The following MYBPC1 variants were observed in gnomAD, a reference collection of about 807,000 sequenced individuals.
MYBPC1 encodes the protein myosin binding protein C1, also known as myosin-binding protein C, slow-type.
In MYBPC1, 52 loss-of-function variants were observed where a neutral mutation model predicts 147.1. The observed-to-expected ratio is 0.35, with a 90% CI of 0.28 to 0.45. The LOEUF (loss-of-function observed/expected upper bound fraction) is 0.45, where lower values mean the gene tolerates loss of function less well. Among genes scored for constraint, MYBPC1 ranks in the 20% least tolerant of loss-of-function variants. The probability of loss-of-function intolerance (pLI) is 1.00; values close to 1 mark genes in which losing one functional copy is unlikely to be tolerated. For missense variants in MYBPC1, 1,228 were observed against 1,440.3 expected (o/e 0.85, Z 2.39); for synonymous variants, 477 against 475.9 (o/e 1.00, Z -0.03).
At chr12:101,621,995 A>G (rs534684782) in intron 3 of MYBPC1, among the ~76,000 whole-genome samples, 1 of 152,338 alleles carries the variant, frequency 6.6e-6, no homozygotes, top group East Asian at 1.9e-4. Context: ...TTACAGATGA[A>G]TAAAATTCTG....
intron 1 of MYBPC1, among the ~76,000 whole-genome samples, chr12:101,611,081 A>G (rs916695787): frequency 2.0e-5 from 3 of 152,222 alleles, no homozygotes; most frequent in African/African-American, 7.2e-5. Flanking sequence ...CACTGGCTAT[A>G]AAGTAAAGAG....
intron 10 of MYBPC1, chr12:101,636,987 G>A (rs1402576286): frequency 2.7e-5 from 5 of 186,556 alleles, no homozygotes; most frequent in Admixed American, 7.1e-5. Flanking sequence ...AAATGGGGAC[G>A]AAGAGATATG....
the MYBPC1 span, among the ~76,000 whole-genome samples, chr12:101,691,379 A>G: frequency 1.3e-5 from 2 of 152,110 alleles, no homozygotes; most frequent in African/African-American, 4.8e-5. Context: ...GCCTCTAGCC[A>G]GGTGATTTCT....
At position 101,614,505 on chromosome 12, in the gene MYBPC1, T is replaced by G. The variant is rs1885347044; in HGVS notation, c.35T>G (p.Val12Gly). The G allele has an allele frequency of 6.2e-7, 1 of 1,613,838 alleles. No individual in the cohort carries two copies. Among genetic ancestry groups the G allele is most frequent in the South Asian group, 1.1e-5 (1 of 91,068 alleles). The change falls in exon 2 of 32, where the codon GTG becomes GGG. Residue 12 changes from valine (V) to glycine (G), a missense_variant. Physicochemically the swap from Val to Gly is moderately radical, Grantham distance 109 (BLOSUM62 -3). Coordinates refer to ENST00000361466, the MANE Select transcript of MYBPC1 (RefSeq NM_002465.4). ...CTCTTTCCATTTCTAGAAAATGAAG[T>G]GCCAGCCCCAGCCCCACCCCCGGAA... is the stretch of plus-strand genomic sequence containing the variant. ...PEPTKKEENE[V>G]PAPAPPPEEP...
intron 18 of MYBPC1, among the ~76,000 whole-genome samples, chr12:101,658,191 C>T (rs1001564645): frequency 1.3e-4 from 20 of 149,908 alleles, no homozygotes; most frequent in African/African-American, 4.2e-4. Flanking sequence ...AATTATACAC[C>T]AAGACCAAGT....
At chr12:101,616,422 A>T (rs1244386756) in intron 2 of MYBPC1, among the ~76,000 whole-genome samples, 1 of 152,162 alleles carries the variant, frequency 6.6e-6, no homozygotes, top group Non-Finnish European at 1.5e-5. Flanking sequence ...TATTCATTGC[A>T]CAATATTGAC....
At chr12:101,627,731 C>T (rs753389499) in intron 4 of MYBPC1, 38 bp from the exon 5 acceptor site, 4 of 1,609,840 alleles carry the variant, frequency 2.5e-6, no homozygotes, top group South Asian at 1.1e-5. Flanking sequence ...ATCCCCTTTC[C>T]ACCCCTCTGC....
chr12:101,630,323 C>G (rs1889625559), intron 6 of MYBPC1, among the ~76,000 whole-genome samples: 1 of 152,158 alleles, frequency 6.6e-6, no homozygotes, highest in Non-Finnish European at 1.5e-5. Flanking sequence ...TTTCAGTAAC[C>G]TTCAGCACAT....
At chr12:101,685,087 C>A (rs928193087) in intron 31 of MYBPC1, among the ~76,000 whole-genome samples, 2 of 152,094 alleles carry the variant, frequency 1.3e-5, no homozygotes, top group African/African-American at 4.8e-5. Flanking sequence ...GTGCTTTTGA[C>A]ATGCATAAAT....
intron 27 of MYBPC1, 72 bp downstream of exon 27, chr12:101,677,466 G>T: frequency 1.1e-5 from 18 of 1,572,376 alleles, no homozygotes; most frequent in Non-Finnish European, 1.5e-5. Context: ...TGGAAAAAGA[G>T]ATGTGGTGAA....
At chr12:101,663,008 A>T (rs1593979420) in intron 21 of MYBPC1, among the ~76,000 whole-genome samples, 1 of 152,230 alleles carries the variant, frequency 6.6e-6, no homozygotes, top group East Asian at 1.9e-4. Flanking sequence ...AAATCAAAAA[A>T]GTTAGTTCAG....
rs770003191 is a variant in MYBPC1 at position 101,636,689 on chromosome 12, A to C, written c.626A>C (p.Asp209Ala). ...AACGACAGTGGAGAAGGTCAAGAGG[A>C]TGCAGGAGAACTTGACTTTAGTGGT... ...AFKRSGEGQE[D>A]AGELDFSGLL... Residue 209 changes from aspartate to alanine, a missense_variant, in exon 10 of 32, where the codon GAT becomes GCT. Physicochemically the swap from Asp to Ala is moderately radical, Grantham distance 126. This residue lies in a region of MYBPC1 where 1,077 missense variants were observed against 1,314.2 expected (regional missense o/e 0.82). Transcript: ENST00000361466. The C allele has an allele frequency of 1.2e-6, 2 of 1,613,740 alleles. No homozygotes were observed. The highest frequency in any genetic ancestry group is 2.2e-5 in the East Asian group (1 of 44,858).
chr12:101,621,582 A>T (rs1887404470), intron 3 of MYBPC1, among the ~76,000 whole-genome samples: 1 of 152,198 alleles, frequency 6.6e-6, no homozygotes, highest in Non-Finnish European at 1.5e-5. Context: ...GTCTCAGTCA[A>T]ACAAGGTATT....
At chr12:101,651,449 T>C in intron 16 of MYBPC1, 56 bp downstream of exon 16, 1 of 1,599,138 alleles carries the variant, frequency 6.3e-7, no homozygotes, top group Non-Finnish European at 8.6e-7. Context: ...ACTTTCTCCA[T>C]TTTCTAAATT....
intron 23 of MYBPC1, 24 bp downstream of exon 23, chr12:101,667,923 T>C (rs766153521): frequency 1.2e-6 from 2 of 1,610,424 alleles, no homozygotes; most frequent in East Asian, 2.2e-5. Flanking sequence ...CTTTCAAAAG[T>C]TAGACTCCAT....
intron 30 of MYBPC1, among the ~76,000 whole-genome samples, chr12:101,683,767 G>A (rs1951177445): frequency 6.6e-6 from 1 of 152,108 alleles, no homozygotes; most frequent in African/African-American, 2.4e-5. Flanking sequence ...TGAGTTTCCA[G>A]AGATAATAAC....
At chr12:101,639,788 T>G (rs924552312) in intron 10 of MYBPC1, among the ~76,000 whole-genome samples, 1 of 152,094 alleles carries the variant, frequency 6.6e-6, no homozygotes, top group Non-Finnish European at 1.5e-5. Flanking sequence ...TATATCTAGC[T>G]TGATAGCTTT....
At chr12:101,627,665 C>G in intron 4 of MYBPC1, 104 bp from the exon 5 acceptor site, 3 of 1,311,434 alleles carry the variant, frequency 2.3e-6, no homozygotes, top group Non-Finnish European at 3.3e-6. Flanking sequence ...TTCCTATCAC[C>G]AGAGGAGACA....
chr12:101,690,909 G>C (rs908779611), downstream of MYBPC1, among the ~76,000 whole-genome samples: 2 of 152,092 alleles, frequency 1.3e-5, no homozygotes, highest in African/African-American at 4.8e-5. Context: ...AACTATAAAA[G>C]TATAAAACCC....
Sources: allele counts gnomAD v4.1 joint callset (sites outside exome capture counted in the v4.1 genomes callset), GRCh38; gene constraint gnomAD v4.1.1; regional missense constraint gnomAD v4.1.1; transcripts MANE v1.5; gene names NCBI Gene and HGNC (gene_info 2026-07-23, HGNC 2026-07-21).